Variants in FAT1 observed in about 807,000 individuals in gnomAD.
FAT1 encodes the protein FAT atypical cadherin 1.
FAT1 carries 171 observed loss-of-function variants against 329.8 expected under a neutral mutation model. The ratio of observed to expected loss-of-function variants is 0.52; its 90% CI spans 0.46 to 0.59. The LOEUF (loss-of-function observed/expected upper bound fraction) is 0.59, where lower values mean the gene tolerates loss of function less well. Among genes scored for constraint, FAT1 ranks in the 20% least tolerant of loss-of-function variants. The pLI is 0.00. For missense variants in FAT1, 5,672 were observed against 5,774.4 expected (o/e 0.98, Z 0.57); for synonymous variants, 2,233 against 2,228.6 (o/e 1.00, Z -0.06).
chr4:186,667,107 A>G (rs1177466872), intron 2 of FAT1, among the ~76,000 whole-genome samples: 1 of 152,234 alleles, frequency 6.6e-6, no homozygotes, highest in Non-Finnish European at 1.5e-5. Flanking sequence ...GGGAAAAAAG[A>G]ATTATGAAAT....
chr4:186,619,472 T>C lies in FAT1; in HGVS notation c.7114A>G (p.Ser2372Gly), dbSNP rs1739913942. Residue 2372 changes from serine to glycine, a missense_variant, in exon 10 of 27, where the codon AGT becomes GGT. Around this residue, in one of 2 missense-constraint regions of FAT1, gnomAD observed 3,966 missense variants for 3,915.2 expected, o/e 1.01. Coordinates refer to ENST00000441802, the MANE Select transcript of FAT1 (RefSeq NM_005245.4). ...ACGTCCACCGTGACAATCACATCACTGCTCAGCGTGGGCATACCACCATCA... is the reference window on the plus strand; with the variant it reads ...ACGTCCACCGTGACAATCACATCACCGCTCAGCGTGGGCATACCACCATCA... ...AVDGGMPTLS[S>G]DVIVTVDVTD... 4 of 1,613,994 alleles carry C rather than the reference T, an allele frequency of 2.5e-6. No individual in the cohort carries two copies. In the East Asian group the frequency reaches 8.9e-5, roughly 36 times the overall value.
chr4:186,722,844 G>T (rs527805169), intron 1 of FAT1, among the ~76,000 whole-genome samples: 2 of 151,696 alleles, frequency 1.3e-5, no homozygotes, highest in African/African-American at 4.8e-5. Flanking sequence ...CCTCTATCAG[G>T]CACCCGGGAA....
chr4:186,609,707 AG>A, intron 15 of FAT1, 93 bp downstream of exon 15: 1 of 819,534 alleles, frequency 1.2e-6, no homozygotes. Context: ...ATATTTACAA[AG>A]GCCGCTACAA....
chr4:186,712,373 G>C (rs766773592), intron 1 of FAT1, among the ~76,000 whole-genome samples: 17 of 151,480 alleles, frequency 1.1e-4, no homozygotes, highest in Non-Finnish European at 1.8e-4. Flanking sequence ...TTTTTTTTTA[G>C]CATGAGTATG....
At chr4:186,665,079 A>G (rs994648563) in intron 2 of FAT1, among the ~76,000 whole-genome samples, 2 of 152,360 alleles carry the variant, frequency 1.3e-5, no homozygotes, top group East Asian at 3.9e-4. Context: ...TAGAAAACTT[A>G]GCTAAATAAA....
rs544929067 is a variant in FAT1, at chr4:186,595,029, T to C, written c.13138+660A>G. On this transcript the variant is annotated intron_variant, in intron 26 of 26. Coordinates refer to ENST00000441802, the MANE Select transcript of FAT1 (RefSeq NM_005245.4). ...TTTTCTCTACTGGTATGTGTTAATA[T>C]GGCAAAGCTAGTTATCAATGCAATT... 1.1e-4 allele frequency among the ~76,000 whole-genome samples: 17 copies of C among 152,320 alleles called. No homozygotes were observed. The South Asian group carries it at 3.3e-3, about 30-fold the overall frequency.
intron 1 of FAT1, among the ~76,000 whole-genome samples, chr4:186,722,459 A>G (rs966297151): frequency 4.6e-5 from 7 of 152,270 alleles, no homozygotes; most frequent in Admixed American, 3.3e-4. Flanking sequence ...AAAATTACAT[A>G]GTGCTTTAAG....
intron 2 of FAT1, among the ~76,000 whole-genome samples, chr4:186,703,212 G>A (rs528567400): frequency 1.3e-5 from 2 of 152,134 alleles, no homozygotes; most frequent in East Asian, 3.9e-4. Context: ...GCTTTCTCTC[G>A]CTGCAAAGCC....
intron 3 of FAT1, among the ~76,000 whole-genome samples, chr4:186,660,052 G>C (rs919766762): frequency 6.6e-6 from 1 of 152,208 alleles, no homozygotes; most frequent in Admixed American, 6.5e-5. Context: ...CAGAGGGAAG[G>C]CCTCACTATG....
intron 17 of FAT1, among the ~76,000 whole-genome samples, chr4:186,604,865 G>A (rs1739020838): frequency 6.6e-6 from 1 of 151,160 alleles, no homozygotes; most frequent in Non-Finnish European, 1.5e-5. Context: ...AGGAGTGGGG[G>A]ACAGGAGGAA....
chr4:186,680,816 C>T (rs1743174786), intron 2 of FAT1, among the ~76,000 whole-genome samples: 1 of 152,140 alleles, frequency 6.6e-6, no homozygotes, highest in African/African-American at 2.4e-5. Context: ...AGTCTACGTT[C>T]GAGAGTGGCA....
chr4:186,667,159 T>C (rs957277145), intron 2 of FAT1, among the ~76,000 whole-genome samples: 1 of 152,206 alleles, frequency 6.6e-6, no homozygotes, highest in Non-Finnish European at 1.5e-5. Flanking sequence ...CAATTACAGA[T>C]AGAAACAGCT....
chr4:186,669,917 C>A (rs1319967905), intron 2 of FAT1, among the ~76,000 whole-genome samples: 5 of 152,176 alleles, frequency 3.3e-5, no homozygotes, highest in African/African-American at 1.2e-4. Context: ...CCACTGCTGG[C>A]CCCTGCTGCT....
intron 2 of FAT1, among the ~76,000 whole-genome samples, chr4:186,677,726 T>C (rs1743022294): frequency 6.6e-6 from 1 of 152,166 alleles, no homozygotes; most frequent in Non-Finnish European, 1.5e-5. Flanking sequence ...GTATTTAATA[T>C]GCACTATTTT....
In FAT1 at chr4:186,603,686, C is replaced by T. The variant is rs769967304; in HGVS notation, c.10840G>A (p.Val3614Ile). ...GTGAACTTCCCATCTGTTACGCTGA[C>T]ATTGAGAAGGTATTGCCCTATGTCT... is the stretch of plus-strand genomic sequence containing the variant. ...KLDIGQYLLN[V>I]SVTDGKFTTV... Residue 3614 changes from valine (V) to isoleucine (I), a missense_variant, in exon 19 of 27, where the codon GTC becomes ATC. By Grantham distance (29) the Val-to-Ile change is conservative (BLOSUM62 3). Around this residue, in one of 2 missense-constraint regions of FAT1, gnomAD observed 1,706 missense variants for 1,859.1 expected, o/e 0.92. Coordinates refer to ENST00000441802, the MANE Select transcript of FAT1 (RefSeq NM_005245.4). The T allele has an allele frequency of 8.7e-6, 14 of 1,614,010 alleles. No homozygotes were observed. The highest frequency in any genetic ancestry group is 1.2e-5 in the Non-Finnish European group (14 of 1,179,898).
At chr4:186,629,425 A>G (rs1049217030) in intron 7 of FAT1, among the ~76,000 whole-genome samples, 4 of 152,256 alleles carry the variant, frequency 2.6e-5, no homozygotes, top group African/African-American at 9.6e-5. Flanking sequence ...CTTTAGAGGA[A>G]AAAAGCAAAT....
At chr4:186,608,551 TC>T (rs1739248637) in intron 16 of FAT1, among the ~76,000 whole-genome samples, 1 of 152,136 alleles carries the variant, frequency 6.6e-6, no homozygotes, top group Non-Finnish European at 1.5e-5. Flanking sequence ...CGACATTTTT[TC>T]TTTTCTAATA....
chr4:186,687,605 C>T (rs553530937), intron 2 of FAT1, among the ~76,000 whole-genome samples: 2 of 152,252 alleles, frequency 1.3e-5, no homozygotes, highest in Admixed American at 6.5e-5. Context: ...CAACATGGTG[C>T]GCTGGGCATT....
At chr4:186,623,223 G>A (rs963958245) in intron 9 of FAT1, among the ~76,000 whole-genome samples, 3 of 152,250 alleles carry the variant, frequency 2.0e-5, no homozygotes, top group African/African-American at 7.2e-5. Context: ...CCCTGGCCGA[G>A]AACTGGGTCC....
Sources: gnomAD v4.1 joint callset for allele counts (sites outside exome capture counted in the v4.1 genomes callset) on GRCh38, gnomAD v4.1.1 for gene constraint, gnomAD v4.1.1 regional missense constraint, MANE v1.5 for transcripts, NCBI Gene and HGNC (gene_info 2026-07-23, HGNC 2026-07-21) for gene names.